Variants in DGKI observed in about 807,000 individuals in gnomAD.
DGKI encodes diacylglycerol kinase iota.
A neutral mutation model predicts 147.5 loss-of-function variants in DGKI; 55 were observed. The ratio of observed to expected loss-of-function variants is 0.37; its 90% CI spans 0.30 to 0.47. The LOEUF is 0.47. DGKI is among the 20% of genes least tolerant of loss of function. The pLI, the probability that DGKI is intolerant of heterozygous loss-of-function variation, is 1.00. For synonymous variants in DGKI, 469 were observed against 477.1 expected (o/e 0.98, Z 0.22); for missense variants, 1,007 against 1,323.8 (o/e 0.76, Z 3.71).
intron 1 of DGKI, among the ~76,000 whole-genome samples, chr7:137,715,441 T>C (rs1443779807): frequency 6.6e-6 from 1 of 152,234 alleles, no homozygotes; most frequent in Non-Finnish European, 1.5e-5. Flanking sequence ...GTCAGTCTGA[T>C]GGTGGAGCAG....
intron 1 of DGKI, among the ~76,000 whole-genome samples, chr7:137,728,471 A>G (rs1794774856): frequency 6.6e-6 from 1 of 152,196 alleles, no homozygotes; most frequent in African/African-American, 2.4e-5. Context: ...GTTTAGCCCC[A>G]GCACTACTGC....
chr7:137,537,940 AAT>A (rs1337562235), intron 20 of DGKI, among the ~76,000 whole-genome samples: 3 of 152,232 alleles, frequency 2.0e-5, no homozygotes, highest in Non-Finnish European at 4.4e-5. Context: ...GAGGGTTCTG[AAT>A]AACACAAATC....
intron 1 of DGKI, among the ~76,000 whole-genome samples, chr7:137,698,802 G>A (rs1282441080): frequency 1.3e-5 from 2 of 152,166 alleles, no homozygotes; most frequent in Non-Finnish European, 2.9e-5. Flanking sequence ...GTGAATCAGT[G>A]ATAAAACCAA....
intron 27 of DGKI, among the ~76,000 whole-genome samples, chr7:137,447,221 G>A (rs981691359): frequency 2.0e-5 from 3 of 152,058 alleles, no homozygotes; most frequent in Admixed American, 6.5e-5. Flanking sequence ...TATTATTCAG[G>A]TTTGACTCTC....
intron 1 of DGKI, among the ~76,000 whole-genome samples, chr7:137,723,048 T>C (rs895379105): frequency 2.6e-5 from 4 of 152,200 alleles, no homozygotes; most frequent in Non-Finnish European, 4.4e-5. Context: ...ATCAACCTCA[T>C]AGATTTGTTG....
chr7:137,675,387 A>AGGTTTGCGACCCATCTGCATCAG (rs1585357713), intron 3 of DGKI, among the ~76,000 whole-genome samples: 1 of 152,156 alleles, frequency 6.6e-6, no homozygotes, highest in African/African-American at 2.4e-5. Context: ...GGTGCTCGTT[A>AGGTTTGCGACCCATCTGCATCAG]AAATCACAGA....
chr7:137,539,048 C>A (rs951698578), intron 20 of DGKI, among the ~76,000 whole-genome samples: 4 of 152,124 alleles, frequency 2.6e-5, no homozygotes, highest in African/African-American at 9.7e-5. Flanking sequence ...ATCTCCCTTT[C>A]TTTTTTCCCC....
chr7:137,722,752 C>G, intron 1 of DGKI: 1 of 1,516,578 alleles, frequency 6.6e-7, no homozygotes, highest in South Asian at 1.1e-5. Context: ...TGTGGACTCA[C>G]AAATTTTACC....
At chr7:137,544,566 T>C (rs1817806295) in intron 20 of DGKI, among the ~76,000 whole-genome samples, 9 of 152,164 alleles carry the variant, frequency 5.9e-5, no homozygotes, top group Non-Finnish European at 1.5e-5. Context: ...TAAATTAGTA[T>C]CCATAAGATG....
At chr7:137,585,125 A>G (rs1389965583) in intron 14 of DGKI, 84 bp downstream of exon 14, 3 of 1,499,992 alleles carry the variant, frequency 2.0e-6, no homozygotes, top group East Asian at 4.5e-5. Flanking sequence ...TCATCAGCAC[A>G]TGACTCTCCA....
At chr7:137,828,899 A>C (rs536471626) in intron 1 of DGKI, among the ~76,000 whole-genome samples, 4 of 152,248 alleles carry the variant, frequency 2.6e-5, no homozygotes, top group Non-Finnish European at 5.9e-5. Context: ...ATAAGAGCAT[A>C]AGAAACAATT....
At chr7:137,519,757 C>T (rs1816900581) in intron 21 of DGKI, among the ~76,000 whole-genome samples, 1 of 151,978 alleles carries the variant, frequency 6.6e-6, no homozygotes, top group South Asian at 2.1e-4. Context: ...GAATCCAGAA[C>T]CTCAAAGGAT....
chr7:137,408,076 C>T, intron 29 of DGKI, 81 bp from the exon 30 acceptor site: 1 of 1,533,708 alleles, frequency 6.5e-7, no homozygotes, highest in Non-Finnish European at 8.9e-7. Context: ...AAATGAGAGT[C>T]ATGTAGCAGA....
At chr7:137,789,464 A>G (rs1331456698) in intron 1 of DGKI, among the ~76,000 whole-genome samples, 1 of 152,168 alleles carries the variant, frequency 6.6e-6, no homozygotes, top group Non-Finnish European at 1.5e-5. Flanking sequence ...ATAAGATAAG[A>G]TTTAGCAAAA....
chr7:137,693,967 A>C (rs940098757), intron 1 of DGKI, among the ~76,000 whole-genome samples: 11 of 152,238 alleles, frequency 7.2e-5, no homozygotes, highest in Admixed American at 1.3e-4. Context: ...GATAGTGTTA[A>C]TATTTTTACA....
chr7:137,753,403 C>T (rs560039897), intron 1 of DGKI, among the ~76,000 whole-genome samples: 9 of 152,312 alleles, frequency 5.9e-5, no homozygotes, highest in Non-Finnish European at 2.9e-5. Flanking sequence ...GGAGTGCCCA[C>T]CACATGTATT....
At chr7:137,638,501 T>TAC (rs1821443669) in intron 6 of DGKI, among the ~76,000 whole-genome samples, 2 of 119,108 alleles carry the variant, frequency 1.7e-5, no homozygotes. Context: ...CACATATATA[T>TAC]GTATATATAT....
rs368029539 is a variant in DGKI, at chr7:137,485,328, C to G, written c.2373+46G>C. ...AAGACATTAATTGAAAGATGGACTT[C>G]ATTTGGCCAGAAGGTAAGAAACAAG... is the stretch of plus-strand genomic sequence containing the variant. On this transcript the variant is annotated intron_variant, in intron 23 of 32. Transcript: ENST00000614521. The G allele has an allele frequency of 8.2e-5, 120 of 1,456,220 alleles. No homozygotes were observed. In the African/African-American group the frequency reaches 1.6e-3, roughly 19 times the overall value. 90.2% of individuals were successfully genotyped at this position (1,456,220 alleles called of 1,614,324 possible). A position where few individuals can be genotyped will look rare whatever the true frequency, so the allele number is the denominator to read the frequency against.
intron 17 of DGKI, among the ~76,000 whole-genome samples, chr7:137,574,918 A>G (rs928473472): frequency 2.0e-5 from 3 of 152,192 alleles, no homozygotes; most frequent in Admixed American, 2.0e-4. Flanking sequence ...CACTGACTTC[A>G]CCCTCTGACA....
Sources: gnomAD v4.1 joint callset for allele counts (sites outside exome capture counted in the v4.1 genomes callset) on GRCh38, gnomAD v4.1.1 for gene constraint, MANE v1.5 for transcripts, NCBI Gene and HGNC (gene_info 2026-07-23, HGNC 2026-07-21) for gene names.